The following TEK variants were observed in gnomAD, a reference collection of about 807,000 sequenced individuals.
TEK encodes the protein TEK receptor tyrosine kinase.
TEK carries 43 observed loss-of-function variants against 131.8 expected under a neutral mutation model. The ratio of observed to expected loss-of-function variants is 0.33; its 90% confidence interval spans 0.26 to 0.42. The LOEUF (loss-of-function observed/expected upper bound fraction) is 0.42, where lower values mean the gene tolerates loss of function less well. Ranked by LOEUF, TEK falls within the 10% of genes least tolerant of loss-of-function variation. The pLI is 1.00. For missense variants in TEK, 1,162 were observed against 1,384.4 expected (o/e 0.84, Z 2.55); for synonymous variants, 580 against 491.6 (o/e 1.18, Z -2.38).
In TEK at chr9:27,185,385, A is replaced by G. The variant is rs1240625019; in HGVS notation, c.1183-100A>G. ...TACATTTAGCTTCTTGATCTCTCCTAGGAAACTTCTTATTAAACAATGAGA... is the reference window on the plus strand; with the variant it reads ...TACATTTAGCTTCTTGATCTCTCCTGGGAAACTTCTTATTAAACAATGAGA... On this transcript the variant is annotated intron_variant, in intron 8 of 22. Coordinates refer to ENST00000380036, the MANE Select transcript of TEK (RefSeq NM_000459.5). The G allele has an allele frequency of 2.8e-6, 4 of 1,446,286 alleles. No homozygotes were observed. In the African/African-American group the frequency reaches 5.6e-5, roughly 20 times the overall value. 89.6% of individuals were successfully genotyped at this position (1,446,286 alleles called of 1,614,324 possible).
chr9:27,172,166 G>A (rs1823982421), intron 4 of TEK, among the ~76,000 whole-genome samples: 1 of 152,152 alleles, frequency 6.6e-6, no homozygotes, highest in African/African-American at 2.4e-5. Context: ...ATTTCTAACA[G>A]ATTCCCAGAT....
chr9:27,228,768 A>AAAT (rs1472097641), intron 22 of TEK, among the ~76,000 whole-genome samples: 2 of 152,202 alleles, frequency 1.3e-5, no homozygotes, highest in Non-Finnish European at 2.9e-5. Context: ...CAGTTTAAAG[A>AAAT]AATAGTCATC....
chr9:27,117,995 C>T (rs1000495257), intron 1 of TEK, among the ~76,000 whole-genome samples: 1 of 152,110 alleles, frequency 6.6e-6, no homozygotes, highest in African/African-American at 2.4e-5. Flanking sequence ...CACTGCTCTG[C>T]GGCCGTCAGA....
intron 1 of TEK, among the ~76,000 whole-genome samples, chr9:27,129,746 T>C (rs961376774): frequency 1.2e-4 from 18 of 152,212 alleles, no homozygotes; most frequent in African/African-American, 4.1e-4. Flanking sequence ...CTGTTATTCC[T>C]GACAGAATAA....
intron 1 of TEK, among the ~76,000 whole-genome samples, chr9:27,139,061 T>C (rs1040705644): frequency 6.6e-6 from 1 of 151,106 alleles, no homozygotes; most frequent in Non-Finnish European, 1.5e-5. Flanking sequence ...ACAAAAAAAT[T>C]AGTTGGGCAT....
chr9:27,222,424 AG>A (rs749785974), intron 21 of TEK, among the ~76,000 whole-genome samples: 4 of 152,194 alleles, frequency 2.6e-5, no homozygotes, highest in Non-Finnish European at 5.9e-5. Context: ...AGATTCACCA[AG>A]GTTGAAATGA....
chr9:27,229,338 C>T lies in TEK; in HGVS notation c.*106C>T. Reference sequence around the variant, plus strand: ...CCAAAGGATGTGATATATAAGTGTACATATGTGCTGTACACCTGGGACCTT... The same window carrying T: ...CCAAAGGATGTGATATATAAGTGTATATATGTGCTGTACACCTGGGACCTT... On this transcript the variant is annotated 3_prime_UTR_variant, in exon 23 of 23. Transcript: ENST00000380036. 2 of 1,100,682 alleles carry T rather than the reference C, an allele frequency of 1.8e-6. No homozygotes were observed. Among genetic ancestry groups the T allele is most frequent in the Non-Finnish European group, 2.8e-6 (2 of 718,452 alleles). 68.2% of individuals were successfully genotyped at this position (1,100,682 alleles called of 1,614,324 possible). A position where few individuals can be genotyped will look rare whatever the true frequency, so the allele number is the denominator to read the frequency against.
chr9:27,152,590 G>GCCCCC (rs370861168), intron 1 of TEK, among the ~76,000 whole-genome samples: 45 of 141,512 alleles, frequency 3.2e-4, no homozygotes, highest in African/African-American at 1.1e-3. Flanking sequence ...CTTATATGAA[G>GCCCCC]CCCCCCCGCC....
At chr9:27,217,192 T>C (rs1189099844) in intron 18 of TEK, among the ~76,000 whole-genome samples, 1 of 152,152 alleles carries the variant, frequency 6.6e-6, no homozygotes, top group East Asian at 1.9e-4. Context: ...AGATGCTCTT[T>C]CCTCTCCCAT....
intron 15 of TEK, 115 bp downstream of exon 15, chr9:27,206,907 C>A (rs1825419693): frequency 1.7e-6 from 2 of 1,151,078 alleles, no homozygotes; most frequent in Non-Finnish European, 2.5e-6. Context: ...TCAGACATAG[C>A]TGTTATTTGC....
intron 1 of TEK, among the ~76,000 whole-genome samples, chr9:27,131,753 G>A (rs62542758): frequency 0.13 from 18,856 of 149,202 alleles, 1,501 homozygotes; most frequent in Middle Eastern, 0.26. Flanking sequence ...GCTTCAGTGA[G>A]CCATGATTGC....
rs755906631 is a variant in TEK at position 27,157,874 on chromosome 9, A to G, written c.96A>G (p.Leu32=). The G allele has an allele frequency of 4.3e-6, 7 of 1,613,442 alleles. No homozygotes were observed. The South Asian group carries it at 4.4e-5, about 10-fold the overall frequency. ...TGGACTTGATCTTGATCAATTCCCT[A>G]CCTCTTGTATCTGATGCTGAAACAT... The part of the protein sequence containing the change: ...GAMDLILINS[L]PLVSDAETSL... The change falls in exon 2 of 23, where the codon CTA becomes CTG. Residue 32 remains leucine (L), a synonymous_variant. Coordinates refer to ENST00000380036, the MANE Select transcript of TEK (RefSeq NM_000459.5).
At position 27,168,344 on chromosome 9, in the gene TEK, A is replaced by G. The variant is rs567041597; in HGVS notation, c.365-151A>G. On this transcript the variant is annotated intron_variant, in intron 2 of 22. Transcript: ENST00000380036. ...AAGGTACATAATGTTAAGAAAGGTT[A>G]AAACGCATTAGCCACCACTGTTTTT... 15 of 672,572 alleles carry G rather than the reference A, an allele frequency of 2.2e-5. No individual in the cohort carries two copies. The South Asian group carries it at 2.4e-4, about 11-fold the overall frequency. 41.7% of individuals were successfully genotyped at this position (672,572 alleles called of 1,614,324 possible).
chr9:27,179,878 C>G (rs1824297120), intron 6 of TEK, among the ~76,000 whole-genome samples: 1 of 152,186 alleles, frequency 6.6e-6, no homozygotes, highest in East Asian at 1.9e-4. Context: ...CTGTACCTAA[C>G]AGTTAGGCTA....
At chr9:27,205,696 G>A (rs1454132753) in intron 14 of TEK, among the ~76,000 whole-genome samples, 2 of 151,990 alleles carry the variant, frequency 1.3e-5, no homozygotes, top group East Asian at 3.9e-4. Context: ...TTTACCAAGA[G>A]GCATCTTATT....
chr9:27,214,828 A>T (rs1279384958), intron 18 of TEK, among the ~76,000 whole-genome samples: 1 of 152,068 alleles, frequency 6.6e-6, no homozygotes. Flanking sequence ...TTCAGAAGCC[A>T]TGTGTGCCTC....
chr9:27,134,831 G>A (rs939582972), intron 1 of TEK, among the ~76,000 whole-genome samples: 2 of 152,158 alleles, frequency 1.3e-5, no homozygotes, highest in African/African-American at 2.4e-5. Flanking sequence ...CAGAATACCA[G>A]AACATAGGAG....
chr9:27,223,168 A>G (rs1017992034), intron 21 of TEK, among the ~76,000 whole-genome samples: 2 of 106,060 alleles, frequency 1.9e-5, no homozygotes, highest in African/African-American at 3.2e-5. Flanking sequence ...GTCTCCCACT[A>G]TTATTGTGAG....
intron 20 of TEK, among the ~76,000 whole-genome samples, chr9:27,219,155 A>C (rs541606052): frequency 6.6e-6 from 1 of 152,288 alleles, no homozygotes; most frequent in East Asian, 1.9e-4. Flanking sequence ...ATGTGAAAAT[A>C]TGTAATAATT....
Sources: allele counts gnomAD v4.1 joint callset (sites outside exome capture counted in the v4.1 genomes callset), GRCh38; gene constraint gnomAD v4.1.1; transcripts MANE v1.5; gene names NCBI Gene and HGNC (gene_info 2026-07-23, HGNC 2026-07-21).